Variants in USH2A observed in about 807,000 individuals in gnomAD.
The protein encoded by USH2A is usherin.
USH2A carries 443 observed loss-of-function variants against 538.9 expected under a neutral mutation model. That is an observed-to-expected ratio of 0.82 (90% CI 0.76 to 0.89). The LOEUF is 0.89. Among genes scored for constraint, USH2A ranks in the 40% least tolerant of loss-of-function variants. The pLI is 0.00. For synonymous variants in USH2A, 2,413 were observed against 2,273.5 expected (o/e 1.06, Z -1.75); for missense variants, 6,633 against 6,324.8 (o/e 1.05, Z -1.65).
At chr1:216,242,059 A>G (rs1572083885) in intron 13 of USH2A, among the ~76,000 whole-genome samples, 1 of 152,118 alleles carries the variant, frequency 6.6e-6, no homozygotes, top group Non-Finnish European at 1.5e-5. Context: ...GAGGGCAAGG[A>G]TTACCTTATT....
chr1:216,090,477 G>A lies in USH2A; in HGVS notation c.4759-1338C>T, dbSNP rs151174400. ...CTTTTAATTTCCCATGAGTATGAGT[G>A]GGTTGTCTCTCACATGGACAATATC... is the stretch of plus-strand genomic sequence containing the variant. On this transcript the variant is annotated intron_variant, in intron 22 of 71. Coordinates refer to ENST00000307340, the MANE Select transcript of USH2A (RefSeq NM_206933.4). 1.9e-4 allele frequency among the ~76,000 whole-genome samples: 28 copies of A among 150,954 alleles called. 1 individual carries two copies. The highest frequency in any genetic ancestry group is 1.6e-3 in the Admixed American group (24 of 15,172).
intron 21 of USH2A, among the ~76,000 whole-genome samples, chr1:216,120,669 G>T (rs1162124037): frequency 1.3e-5 from 2 of 151,918 alleles, no homozygotes; most frequent in Non-Finnish European, 2.9e-5. Flanking sequence ...GCGAGCCACC[G>T]CACCCGGCCT....
At position 215,671,044 on chromosome 1, in the gene USH2A, G is replaced by A. The variant is rs753243273; in HGVS notation, c.14061C>T (p.Val4687=). Residue 4687 remains valine (V), a synonymous_variant, in exon 64 of 72, where the codon GTC becomes GTT. Transcript: ENST00000307340. ...IATQPRKSNP[V]LIYNGSSTSF... ...ATGTTGAGCTTCCGTTATAGATTAG[G>A]ACTGGATTGGATTTTCTAGGCTGAG... The A allele has an allele frequency of 1.2e-6, 2 of 1,614,140 alleles. No homozygotes were observed. Among genetic ancestry groups the A allele is most frequent in the Admixed American group, 3.3e-5 (2 of 60,020 alleles).
chr1:216,151,664 G>T lies in USH2A; in HGVS notation c.4627+23588C>A, dbSNP rs564627091. 5.9e-5 allele frequency among the ~76,000 whole-genome samples: 9 copies of T among 152,204 alleles called. No homozygotes were observed. In the South Asian group the frequency reaches 1.7e-3, roughly 28 times the overall value. On this transcript the variant is annotated intron_variant, in intron 21 of 71. Coordinates refer to ENST00000307340, the MANE Select transcript of USH2A (RefSeq NM_206933.4). ...TTAGCTGCAGTTGTCCTCCAAAACC[G>T]CCGAGGCCTTGACTTACTCAATGCT...
chr1:215,937,556 A>G (rs1666535672), intron 37 of USH2A, among the ~76,000 whole-genome samples: 1 of 152,074 alleles, frequency 6.6e-6, no homozygotes, highest in Admixed American at 6.6e-5. Flanking sequence ...ACCATTGCCT[A>G]AGAACAATTA....
rs746999348 is a variant in USH2A, at chr1:215,728,260, T to TCTG, written c.11835_11836insCAG (p.Cys3945_Asn3946insGln). ...AGACTCTCCACTGAACCCTTGGAGT[T>TCTG]ACAGGCTCTGACCCGATATTCGTAG... On this transcript the variant is annotated inframe_insertion, in exon 61 of 72. Coordinates refer to ENST00000307340, the MANE Select transcript of USH2A (RefSeq NM_206933.4). 1.2e-6 allele frequency: 2 copies of TCTG among 1,614,152 alleles called. No individual in the cohort carries two copies. The highest frequency in any genetic ancestry group is 2.7e-5 in the African/African-American group (2 of 75,032).
rs149215828 is a variant in USH2A at position 215,872,713 on chromosome 1, T to C, written c.8681+5045A>G. 1.9e-4 allele frequency among the ~76,000 whole-genome samples: 29 copies of C among 152,194 alleles called. No individual in the cohort carries two copies. In the East Asian group the frequency reaches 4.8e-3, roughly 25 times the overall value. ...TTGAAATGTGATCACCAATGTTGAATGTAGGCCCTAATGGGATGTGCTTGG... is the reference window on the plus strand; with the variant it reads ...TTGAAATGTGATCACCAATGTTGAACGTAGGCCCTAATGGGATGTGCTTGG... On this transcript the variant is annotated intron_variant, in intron 43 of 71. Transcript: ENST00000307340.
At chr1:215,831,558 C>A (rs1663315981) in intron 47 of USH2A, among the ~76,000 whole-genome samples, 1 of 152,084 alleles carries the variant, frequency 6.6e-6, no homozygotes, top group South Asian at 2.1e-4. Context: ...AGAAACTTAT[C>A]TGAAAAATCC....
chr1:215,858,197 C>T (rs1664222371), intron 44 of USH2A, among the ~76,000 whole-genome samples: 1 of 151,938 alleles, frequency 6.6e-6, no homozygotes, highest in Non-Finnish European at 1.5e-5. Flanking sequence ...ATATTCTAAT[C>T]CTATTATGTA....
In USH2A at chr1:216,030,001, AATATATGAT is replaced by A. The variant is rs1372448086; in HGVS notation, c.6325+16421_6325+16429del. ...AGATATAGATATATCATAGATATAT[AATATATGAT>A]ATATATGATATATATCACAGATATA... On this transcript the variant is annotated intron_variant, in intron 32 of 71. Coordinates refer to ENST00000307340, the MANE Select transcript of USH2A (RefSeq NM_206933.4). Among the ~76,000 whole-genome samples, 6 of 147,894 alleles carry A rather than the reference AATATATGAT, an allele frequency of 4.1e-5. No homozygotes were observed. The East Asian group carries it at 7.9e-4, about 19-fold the overall frequency.
chr1:216,139,994 C>A (rs1391828274), intron 21 of USH2A, among the ~76,000 whole-genome samples: 1 of 152,264 alleles, frequency 6.6e-6, no homozygotes, highest in East Asian at 1.9e-4. Context: ...GTAATTAACT[C>A]ACTTTATAAA....
chr1:216,246,991 T>G lies in USH2A; in HGVS notation c.2403A>C (p.Gly801=), dbSNP rs2036063476. The G allele has an allele frequency of 1.2e-6, 2 of 1,613,954 alleles. No individual in the cohort carries two copies. The highest frequency in any genetic ancestry group is 1.7e-6 in the Non-Finnish European group (2 of 1,180,002). ...CATTACAGACAGTCCCAGGGAGGGA[T>G]CCAGCTGTGTCACAGTCACAGGCCT... ...NCKACDCDTA[G]SLPGTVCNAK... The change falls in exon 13 of 72, where the codon GGA becomes GGC. Residue 801 remains glycine, a synonymous_variant. Transcript: ENST00000307340.
intron 48 of USH2A, among the ~76,000 whole-genome samples, chr1:215,816,126 T>C (rs769802554): frequency 6.6e-6 from 1 of 152,076 alleles, no homozygotes; most frequent in Non-Finnish European, 1.5e-5. Context: ...ATTTTAGTAT[T>C]TTTCTTCTCA....
Position 216,231,998 on chromosome 1 carries a change from T to A in USH2A, c.2948A>T (p.Asp983Val). The change falls in exon 14 of 72, where the codon GAC becomes GTC. Residue 983 changes from aspartate (D) to valine (V), a missense_variant. Asp to Val is a radical substitution (Grantham distance 152). Coordinates refer to ENST00000307340, the MANE Select transcript of USH2A (RefSeq NM_206933.4). ...QDASIAGQRC[D>V]QCKDHYFGFD... ...TCCAAAGTAATGGTCTTTGCATTGG[T>A]CACAACGTTGCCCAGCAATGGAAGC... 6.2e-7 allele frequency: 1 copy of A among 1,614,064 alleles called. No homozygotes were observed. Among genetic ancestry groups the A allele is most frequent in the Non-Finnish European group, 8.5e-7 (1 of 1,179,924 alleles).
intron 11 of USH2A, among the ~76,000 whole-genome samples, chr1:216,288,693 A>G (rs1398271363): frequency 1.3e-5 from 2 of 152,174 alleles, no homozygotes; most frequent in Non-Finnish European, 2.9e-5. Context: ...TTCAGCTTCA[A>G]TAAGAAGCCT....
chr1:216,276,863 C>T (rs1040598769), intron 11 of USH2A, among the ~76,000 whole-genome samples: 7 of 152,040 alleles, frequency 4.6e-5, no homozygotes, highest in Non-Finnish European at 7.4e-5. Context: ...CATCTCCCAC[C>T]AGGTTGCTCC....
In USH2A at chr1:215,758,755, A is replaced by G. The variant is rs780354387; in HGVS notation, c.11232-3T>C. 4.3e-6 allele frequency: 7 copies of G among 1,613,610 alleles called. No homozygotes were observed. The South Asian group carries it at 4.4e-5, about 10-fold the overall frequency. On this transcript the variant is annotated splice_polypyrimidine_tract_variant and splice_region_variant and intron_variant, in intron 57 of 71. Transcript: ENST00000307340. Reference sequence around the variant, plus strand: ...TGACTTCTAACTTGTAAGTGTATCTATATTTAAAAAGAAAGAAGAATTGTG... The same window carrying G: ...TGACTTCTAACTTGTAAGTGTATCTGTATTTAAAAAGAAAGAAGAATTGTG...
intron 35 of USH2A, among the ~76,000 whole-genome samples, chr1:215,973,067 T>C (rs1036724445): frequency 3.9e-5 from 6 of 152,134 alleles, no homozygotes; most frequent in African/African-American, 1.4e-4. Context: ...AAGCAGTCAG[T>C]TGATCCTAAA....
At chr1:215,952,833 T>C (rs1208399688) in intron 37 of USH2A, among the ~76,000 whole-genome samples, 1 of 152,096 alleles carries the variant, frequency 6.6e-6, no homozygotes, top group Non-Finnish European at 1.5e-5. Flanking sequence ...CATTTCAACT[T>C]TGGTGAATCT....
Sources: gnomAD v4.1 joint callset for allele counts (sites outside exome capture counted in the v4.1 genomes callset) on GRCh38, gnomAD v4.1.1 for gene constraint, MANE v1.5 for transcripts, NCBI Gene and HGNC (gene_info 2026-07-23, HGNC 2026-07-21) for gene names.